The following MICAL3 variants were observed in gnomAD, a reference collection of about 807,000 sequenced individuals.
The protein encoded by MICAL3 is microtubule associated monooxygenase, calponin and LIM domain containing 3, also known as [F-actin]-monooxygenase MICAL3.
A neutral mutation model predicts 207.4 loss-of-function variants in MICAL3; 62 were observed. The ratio of observed to expected loss-of-function variants is 0.30; its 90% confidence interval spans 0.24 to 0.37. The LOEUF (loss-of-function observed/expected upper bound fraction) is 0.37. Among genes scored for constraint, MICAL3 ranks in the 10% least tolerant of loss-of-function variants. MICAL3 has a pLI of 1.00. For missense variants in MICAL3, 2,368 were observed against 2,635.6 expected (o/e 0.90, Z 2.22); for synonymous variants, 1,077 against 1,069.3 (o/e 1.01, Z -0.14).
intron 1 of MICAL3, among the ~76,000 whole-genome samples, chr22:17,955,197 G>A (rs1292150995): frequency 6.6e-6 from 1 of 152,164 alleles, no homozygotes; most frequent in Non-Finnish European, 1.5e-5. Context: ...GCTATTCACT[G>A]TGATCACCTC....
chr22:18,023,894 C>G (rs2146522876), intron 1 of MICAL3, among the ~76,000 whole-genome samples: 2 of 152,346 alleles, frequency 1.3e-5, no homozygotes, highest in East Asian at 1.9e-4. Flanking sequence ...GGCCTGCTGG[C>G]TGTCCTGACA....
At chr22:18,018,793 T>TAC (rs371539980) in intron 1 of MICAL3, among the ~76,000 whole-genome samples, 253 of 150,558 alleles carry the variant, frequency 1.7e-3, no homozygotes, top group Non-Finnish European at 2.8e-3. Flanking sequence ...CATACACACA[T>TAC]ACACACACAC....
intron 29 of MICAL3, 106 bp from the exon 30 acceptor site, chr22:17,791,407 G>T: frequency 1.0e-6 from 1 of 990,928 alleles, no homozygotes. Flanking sequence ...AGATGCTGCC[G>T]GAACTTCCAC....
chr22:17,911,881 T>C (rs1408780720), intron 1 of MICAL3, among the ~76,000 whole-genome samples: 1 of 88,164 alleles, frequency 1.1e-5, no homozygotes, highest in Non-Finnish European at 2.0e-5. Flanking sequence ...TTGATCATAT[T>C]TTCCCTCAGA....
At chr22:17,989,526 C>T (rs1602359004) in intron 1 of MICAL3, among the ~76,000 whole-genome samples, 1 of 152,172 alleles carries the variant, frequency 6.6e-6, no homozygotes, top group African/African-American at 2.4e-5. Flanking sequence ...GCCAGGCTGG[C>T]CTCCTCGCTG....
intron 1 of MICAL3, among the ~76,000 whole-genome samples, chr22:17,929,515 G>A (rs1443986799): frequency 6.6e-6 from 1 of 151,432 alleles, no homozygotes; most frequent in African/African-American, 2.4e-5. Context: ...TCTGTAAACA[G>A]GCCTGAAACC....
chr22:17,902,601 C>A lies in MICAL3; in HGVS notation c.589+30G>T. 7.4e-7 allele frequency: 1 copy of A among 1,355,064 alleles called. No homozygotes were observed. The allele number at this position is 1,355,064 out of a possible 1,614,324, so 83.9% of individuals were successfully genotyped here. A position where few individuals can be genotyped will look rare whatever the true frequency, so the allele number is the denominator to read the frequency against. ...TTCCTCACCCATCAACACCCTCTCA[C>A]GCCTTCTTCACTCCTCCAGTATAAC... On this transcript the variant is annotated intron_variant, in intron 4 of 31. Transcript: ENST00000441493. The surrounding 1 kb of genome is among the most constrained non-coding windows in gnomAD (Gnocchi z 4.5).
At chr22:17,849,564 G>T (rs1444141936) in intron 19 of MICAL3, among the ~76,000 whole-genome samples, 2 of 148,156 alleles carry the variant, frequency 1.3e-5, no homozygotes, top group Non-Finnish European at 3.0e-5. Context: ...CAAACTCCTG[G>T]CCTCAAGTGA....
chr22:17,791,123 C>A, intron 30 of MICAL3, 52 bp from the exon 31 acceptor site: 1 of 1,604,530 alleles, frequency 6.2e-7, no homozygotes, highest in Admixed American at 1.7e-5. Context: ...GGGACCACCC[C>A]TCACCCCCAA....
At chr22:17,886,988 CAAAAAAAAAAAAAAAA>C (rs55999508) in intron 15 of MICAL3, among the ~76,000 whole-genome samples, 166 bp downstream of exon 15, 424 of 41,372 alleles carry the variant, frequency 0.01, 6 homozygotes, top group African/African-American at 0.031. Flanking sequence ...ACTCTTGTCT[CAAAAAAAAAAAAAAAA>C]AAAAAAAAAA....
intron 27 of MICAL3, chr22:17,814,640 C>T (rs1384003778): frequency 6.6e-6 from 1 of 152,204 alleles, no homozygotes; most frequent in Admixed American, 6.5e-5. Context: ...GACTCCATAC[C>T]ATGCGGAAGT....
intron 1 of MICAL3, among the ~76,000 whole-genome samples, chr22:17,982,446 G>T (rs2146440870): frequency 6.6e-6 from 1 of 152,342 alleles, no homozygotes; most frequent in East Asian, 1.9e-4. Context: ...GGAGAGGTGG[G>T]TGGATCACGA....
At chr22:17,835,064 G>A (rs1019239799) in intron 20 of MICAL3, among the ~76,000 whole-genome samples, 12 of 152,334 alleles carry the variant, frequency 7.9e-5, no homozygotes, top group South Asian at 6.2e-4. Context: ...GCGCCATGTC[G>A]TGAGGATAGC....
At chr22:17,860,739 T>C in intron 19 of MICAL3, 1 of 985,310 alleles carries the variant, frequency 1.0e-6, no homozygotes, top group Non-Finnish European at 1.2e-6. Context: ...CTTGGGGCCC[T>C]TTCTTGGGGG....
chr22:17,907,006 A>T, intron 1 of MICAL3, 120 bp from the exon 2 acceptor site: 1 of 543,920 alleles, frequency 1.8e-6, no homozygotes, highest in Non-Finnish European at 3.2e-6. Flanking sequence ...ATAAGTGTGG[A>T]CTGCACACCT....
chr22:18,017,710 CGAGTAGCTGG>C (rs1236552941), intron 1 of MICAL3, among the ~76,000 whole-genome samples: 1 of 150,776 alleles, frequency 6.6e-6, no homozygotes, highest in Admixed American at 6.6e-5. Flanking sequence ...CTCTGCCTCC[CGAGTAGCTGG>C]GATTACAGGT....
chr22:18,012,397 C>T (rs543413870), intron 1 of MICAL3, among the ~76,000 whole-genome samples: 83 of 152,296 alleles, frequency 5.4e-4, no homozygotes, highest in African/African-American at 1.8e-3. Flanking sequence ...CCTCAGGCCT[C>T]GGCCCTCATG....
At chr22:17,911,469 A>G (rs1932139193) in intron 1 of MICAL3, among the ~76,000 whole-genome samples, 1 of 152,236 alleles carries the variant, frequency 6.6e-6, no homozygotes, top group African/African-American at 2.4e-5. Context: ...AATCTTACAC[A>G]GCAATCTGTG....
intron 1 of MICAL3, among the ~76,000 whole-genome samples, chr22:17,958,696 G>GTTT (rs1569147160): frequency 1.6e-5 from 2 of 126,352 alleles, no homozygotes; most frequent in Admixed American, 7.8e-5. Context: ...TGAGTTGTTG[G>GTTT]GTTTTTTTAT....
Sources: allele counts gnomAD v4.1 joint callset (sites outside exome capture counted in the v4.1 genomes callset), GRCh38; gene constraint gnomAD v4.1.1; non-coding constraint Gnocchi (gnomAD v3.1); transcripts MANE v1.5; gene names NCBI Gene and HGNC (gene_info 2026-07-23, HGNC 2026-07-21).